Variants in GPC6 observed in about 807,000 individuals in gnomAD.
GPC6 encodes the protein glypican-6.
Under a neutral mutation model 55.2 loss-of-function variants are expected in GPC6, and 14 were observed. The observed-to-expected ratio is 0.25, with a 90% CI of 0.17 to 0.40. The LOEUF (loss-of-function observed/expected upper bound fraction) is 0.40. Ranked by LOEUF, GPC6 falls within the 10% of genes least tolerant of loss-of-function variation. The pLI is 1.00. For synonymous variants in GPC6, 278 were observed against 259.6 expected, an observed-to-expected ratio of 1.07 and a Z score of -0.68; for missense variants, 641 against 708.5, an observed-to-expected ratio of 0.90 and a Z score of 1.08.
At chr13:94,271,952 T>C (rs1188343392) in intron 4 of GPC6, among the ~76,000 whole-genome samples, 1 of 152,208 alleles carries the variant, frequency 6.6e-6, no homozygotes, top group Non-Finnish European at 1.5e-5. Context: ...GTTTTTTCAT[T>C]TTTTTAAAAC....
chr13:94,290,333 T>A (rs987839997), intron 5 of GPC6, among the ~76,000 whole-genome samples: 2 of 150,560 alleles, frequency 1.3e-5, no homozygotes, highest in African/African-American at 4.9e-5. Flanking sequence ...AGGTAGAAGG[T>A]TCACTTGAGT....
chr13:93,461,014 G>A (rs1442479503), intron 1 of GPC6, among the ~76,000 whole-genome samples: 1 of 152,080 alleles, frequency 6.6e-6, no homozygotes, highest in Admixed American at 6.5e-5. Flanking sequence ...TCTAGCATTG[G>A]TAAGGAGTAA....
chr13:93,547,724 G>GAA lies in GPC6; in HGVS notation c.319+2313_319+2314dup, dbSNP rs548788991. ...TTTTGGAGGCTTTCAGCCAGAGTGG[G>GAA]AAAAAAAAAAAGAGAATCTAAATGT... is the stretch of plus-strand genomic sequence containing the variant. On this transcript the variant is annotated intron_variant, in intron 2 of 8. Transcript: ENST00000377047. Among the ~76,000 whole-genome samples the GAA allele has an allele frequency of 1.7e-4, 24 of 142,638 alleles. No homozygotes were observed. In the East Asian group the frequency reaches 4.4e-3, roughly 26 times the overall value. The allele number at this position is 142,638 out of a possible 152,430, so 93.6% of individuals were successfully genotyped here. A position where few individuals can be genotyped will look rare whatever the true frequency, so the allele number is the denominator to read the frequency against.
chr13:93,580,138 G>C (rs1169874067), intron 2 of GPC6, among the ~76,000 whole-genome samples: 1 of 152,178 alleles, frequency 6.6e-6, no homozygotes, highest in Non-Finnish European at 1.5e-5. Flanking sequence ...GGCGCATGCA[G>C]ATTCAAAGTC....
intron 4 of GPC6, among the ~76,000 whole-genome samples, chr13:94,091,601 C>A (rs1440261222): frequency 1.3e-5 from 2 of 152,146 alleles, no homozygotes; most frequent in East Asian, 3.9e-4. Flanking sequence ...TGTAGCCAGC[C>A]CAAGTCGACA....
At chr13:93,822,187 T>C (rs987809559) in intron 2 of GPC6, among the ~76,000 whole-genome samples, 2 of 152,132 alleles carry the variant, frequency 1.3e-5, no homozygotes, top group African/African-American at 4.8e-5. Context: ...AATTATGATT[T>C]ACACAATATT....
At chr13:93,705,815 T>G (rs997753818) in intron 2 of GPC6, among the ~76,000 whole-genome samples, 34 of 58,678 alleles carry the variant, frequency 5.8e-4, no homozygotes, top group African/African-American at 2.1e-3. Context: ...ATCCTTTCTG[T>G]TTTTTTTTTT....
intron 3 of GPC6, among the ~76,000 whole-genome samples, chr13:93,982,591 T>C (rs1203046755): frequency 6.6e-6 from 1 of 152,206 alleles, no homozygotes; most frequent in African/African-American, 2.4e-5. Flanking sequence ...TTTTTATTTC[T>C]CTATCCTAAC....
intron 2 of GPC6, among the ~76,000 whole-genome samples, chr13:93,692,809 A>G (rs925480059): frequency 6.6e-6 from 1 of 152,006 alleles, no homozygotes; most frequent in Admixed American, 6.6e-5. Flanking sequence ...ATAATCAGTA[A>G]CACATAAAAT....
intron 1 of GPC6, among the ~76,000 whole-genome samples, chr13:93,437,542 A>C (rs1877619872): frequency 6.6e-6 from 1 of 152,228 alleles, no homozygotes; most frequent in Non-Finnish European, 1.5e-5. Context: ...CGATCAAACC[A>C]GTCACAACAT....
intron 1 of GPC6, among the ~76,000 whole-genome samples, chr13:93,456,352 A>G (rs956377276): frequency 3.3e-5 from 5 of 152,160 alleles, no homozygotes; most frequent in African/African-American, 1.2e-4. Context: ...ATATTTTCTT[A>G]GTTATAGAAA....
chr13:93,940,441 GAT>G (rs1878678129), intron 3 of GPC6, among the ~76,000 whole-genome samples: 1 of 151,668 alleles, frequency 6.6e-6, no homozygotes, highest in Non-Finnish European at 1.5e-5. Flanking sequence ...TGGATGGATG[GAT>G]GGATGAATGG....
intron 1 of GPC6, among the ~76,000 whole-genome samples, chr13:93,427,598 C>A (rs920053810): frequency 5.3e-5 from 8 of 152,126 alleles, no homozygotes; most frequent in Non-Finnish European, 1.2e-4. Flanking sequence ...GTTTCACTTG[C>A]TATCAATAAA....
intron 5 of GPC6, among the ~76,000 whole-genome samples, chr13:94,295,278 T>G (rs1875262994): frequency 6.6e-6 from 1 of 152,200 alleles, no homozygotes; most frequent in South Asian, 2.1e-4. Context: ...ATAATCCATG[T>G]AAAATGTTTA....
At chr13:94,354,479 G>A (rs982531115) in intron 6 of GPC6, among the ~76,000 whole-genome samples, 2 of 152,212 alleles carry the variant, frequency 1.3e-5, no homozygotes, top group African/African-American at 4.8e-5. Flanking sequence ...TTATTTGTGT[G>A]ATAGGATGAT....
In GPC6 at chr13:94,406,731, G is replaced by A. The variant is rs892929199; in HGVS notation, c.*3514G>A. On this transcript the variant is annotated 3_prime_UTR_variant, in exon 9 of 9. Transcript: ENST00000377047. ...CATGTTTCGGCTACAGACTGAACAC[G>A]AACTAAAGTCCCTAAGGAGGAAAAA... is the stretch of plus-strand genomic sequence containing the variant. 5 of 151,978 alleles carry A rather than the reference G, an allele frequency of 3.3e-5. No homozygotes were observed. The highest frequency in any genetic ancestry group is 7.4e-5 in the Non-Finnish European group (5 of 67,938). The allele number at this position is 151,978 out of a possible 1,614,324, so 9.4% of individuals were successfully genotyped here.
At chr13:94,080,596 A>G (rs1885065159) in intron 4 of GPC6, among the ~76,000 whole-genome samples, 1 of 152,180 alleles carries the variant, frequency 6.6e-6, no homozygotes, top group African/African-American at 2.4e-5. Flanking sequence ...AGCTTAAACA[A>G]CAGACATTTA....
intron 1 of GPC6, among the ~76,000 whole-genome samples, chr13:93,439,181 G>A (rs543216493): frequency 1.3e-5 from 2 of 152,226 alleles, no homozygotes; most frequent in South Asian, 4.1e-4. Context: ...TCACTTTGTT[G>A]TAATATTCGT....
At chr13:94,207,084 A>C (rs1031607434) in intron 4 of GPC6, among the ~76,000 whole-genome samples, 1 of 151,938 alleles carries the variant, frequency 6.6e-6, no homozygotes, top group Non-Finnish European at 1.5e-5. Flanking sequence ...TGCTCACTGA[A>C]CTTACCCTAT....
Sources: gnomAD v4.1 joint callset for allele counts (sites outside exome capture counted in the v4.1 genomes callset) on GRCh38, gnomAD v4.1.1 for gene constraint, MANE v1.5 for transcripts, NCBI Gene and HGNC (gene_info 2026-07-23, HGNC 2026-07-21) for gene names.